Variants in RABGAP1L observed in about 807,000 individuals in gnomAD.
RABGAP1L encodes rab GTPase-activating protein 1-like.
In RABGAP1L, 63 loss-of-function variants were observed where a neutral mutation model predicts 137.7. That is an observed-to-expected ratio of 0.46 (90% CI 0.37 to 0.56). The LOEUF is 0.56. Among genes scored for constraint, RABGAP1L ranks in the 20% least tolerant of loss-of-function variants. The pLI is 0.00. For synonymous variants in RABGAP1L, 431 were observed against 433.7 expected, an observed-to-expected ratio of 0.99 and a Z score of 0.08; for missense variants, 1,095 against 1,244.0, an observed-to-expected ratio of 0.88 and a Z score of 1.80.
At chr1:174,305,519 G>A (rs1218481243) in intron 11 of RABGAP1L, among the ~76,000 whole-genome samples, 4 of 152,040 alleles carry the variant, frequency 2.6e-5, no homozygotes, top group African/African-American at 9.7e-5. Context: ...TGAGTAGCCA[G>A]ATACAGGTGT....
intron 11 of RABGAP1L, among the ~76,000 whole-genome samples, chr1:174,362,744 A>G (rs1353130713): frequency 1.3e-5 from 2 of 152,012 alleles, no homozygotes; most frequent in Non-Finnish European, 2.9e-5. Flanking sequence ...TACTCTGTTG[A>G]TAGTGTTTTG....
At chr1:174,222,032 G>A (rs1191321146) in intron 3 of RABGAP1L, among the ~76,000 whole-genome samples, 1 of 148,588 alleles carries the variant, frequency 6.7e-6, no homozygotes, top group African/African-American at 2.5e-5. Context: ...GTTTTGCCAT[G>A]TTGACCAGGC....
chr1:174,545,281 T>G (rs1460269266), intron 13 of RABGAP1L: 1 of 152,314 alleles, frequency 6.6e-6, no homozygotes, highest in Non-Finnish European at 1.5e-5. Context: ...CTGCTTTGTT[T>G]ACCTACTCAA....
At chr1:174,290,932 T>C (rs1676539536) in intron 10 of RABGAP1L, among the ~76,000 whole-genome samples, 1 of 152,066 alleles carries the variant, frequency 6.6e-6, no homozygotes, top group South Asian at 2.1e-4. Context: ...TGGCTAAGTT[T>C]TAATTTTTTG....
intron 22 of RABGAP1L, among the ~76,000 whole-genome samples, chr1:174,976,539 C>T (rs550337043): frequency 9.8e-4 from 150 of 152,298 alleles, no homozygotes; most frequent in African/African-American, 3.4e-3. Flanking sequence ...TAATTGACTT[C>T]TCTGAAGTAG....
intron 14 of RABGAP1L, among the ~76,000 whole-genome samples, chr1:174,639,899 G>A (rs535044506): frequency 1.1e-3 from 170 of 152,152 alleles, no homozygotes; most frequent in Non-Finnish European, 2.1e-3. Flanking sequence ...GGCCATTTTA[G>A]ATTATCAGTA....
At chr1:174,675,592 G>T (rs1425577146) in intron 14 of RABGAP1L, among the ~76,000 whole-genome samples, 1 of 151,852 alleles carries the variant, frequency 6.6e-6, no homozygotes, top group African/African-American at 2.4e-5. Flanking sequence ...GGTTCCATAT[G>T]AACTTTAAAG....
intron 17 of RABGAP1L, among the ~76,000 whole-genome samples, chr1:174,719,266 T>C (rs1025657480): frequency 2.6e-5 from 4 of 152,228 alleles, no homozygotes; most frequent in Admixed American, 2.6e-4. Flanking sequence ...AAAAGATATC[T>C]TTAATAATTA....
rs181658924 is a variant in RABGAP1L at position 174,596,911 on chromosome 1, T to A, written c.1711-40464T>A. On this transcript the variant is annotated intron_variant, in intron 13 of 25. Coordinates refer to ENST00000681986, the MANE Select transcript of RABGAP1L (RefSeq NM_001366446.1). The stretch of plus-strand genomic sequence containing the variant: ...TCTATCCAGTTTTTTTAGGTTTTTT[T>A]AAATTTAATCATGAAGAGATGGTGA... Among the ~76,000 whole-genome samples, 486 of 152,308 alleles carry A rather than the reference T, an allele frequency of 3.2e-3. 2 individuals are homozygous for A. The highest frequency in any genetic ancestry group is 5.2e-3 in the Non-Finnish European group (354 of 68,012).
Position 174,982,841 on chromosome 1 carries a change from C to T in RABGAP1L, c.2741C>T (p.Ser914Leu), listed in dbSNP as rs952772534. The change falls in exon 24 of 26, where the codon TCG becomes TTG. Residue 914 changes from serine (S) to leucine (L), a missense_variant. Transcript: ENST00000681986. ...CTCTTTTCTCATCCTTAGATCTGTT[C>T]GCAGTTGAGTACCAGGCTGGAGAAA... ...AIIAEYKQICSQLSTRLEKQQ... is the reference protein window; with the variant it reads ...AIIAEYKQICLQLSTRLEKQQ... The T allele has an allele frequency of 1.9e-5, 30 of 1,550,126 alleles. No individual in the cohort carries two copies. Among genetic ancestry groups the T allele is most frequent in the Admixed American group, 1.8e-4 (9 of 50,970 alleles).
intron 17 of RABGAP1L, among the ~76,000 whole-genome samples, chr1:174,703,579 ATTTCT>A (rs1317202740): frequency 6.6e-6 from 1 of 151,980 alleles, no homozygotes; most frequent in Non-Finnish European, 1.5e-5. Context: ...TTATACACTG[ATTTCT>A]TTTCCTTTGG....
chr1:174,978,890 G>A lies in RABGAP1L; in HGVS notation c.2733G>A (p.Gln911=), dbSNP rs1020611053. 15 of 1,513,264 alleles carry A rather than the reference G, an allele frequency of 9.9e-6. No individual in the cohort carries two copies. Among genetic ancestry groups the A allele is most frequent in the South Asian group, 1.3e-5 (1 of 77,024 alleles). The allele number at this position is 1,513,264 out of a possible 1,614,324, so 93.7% of individuals were successfully genotyped here. A position where few individuals can be genotyped will look rare whatever the true frequency, so the allele number is the denominator to read the frequency against. The change falls in exon 23 of 26, where the codon CAG becomes CAA. Residue 911 remains glutamine, a splice_region_variant and synonymous_variant. Coordinates refer to ENST00000681986, the MANE Select transcript of RABGAP1L (RefSeq NM_001366446.1). ...CAGCTATCATTGCTGAGTATAAACA[G>A]GTAATGTACTTCTGTGGCACATAGA... ...KTTAIIAEYK[Q]ICSQLSTRLE... is the part of the protein sequence containing the mutation.
intron 19 of RABGAP1L, among the ~76,000 whole-genome samples, chr1:174,944,095 A>G (rs990530030): frequency 3.3e-5 from 5 of 151,952 alleles, no homozygotes; most frequent in African/African-American, 1.2e-4. Flanking sequence ...ACATGGCGAA[A>G]CCCTGTCTCT....
intron 17 of RABGAP1L, among the ~76,000 whole-genome samples, chr1:174,741,855 C>CAAAAA (rs775821774): frequency 6.2e-4 from 26 of 41,820 alleles, no homozygotes; most frequent in African/African-American, 2.8e-3. Flanking sequence ...CCTATTTCTA[C>CAAAAA]AAAAAAAAAA....
intron 13 of RABGAP1L, among the ~76,000 whole-genome samples, chr1:174,611,733 G>A (rs555842207): frequency 6.6e-6 from 1 of 151,902 alleles, no homozygotes; most frequent in East Asian, 1.9e-4. Flanking sequence ...TTATTTCCTT[G>A]AGCAGTGGTT....
intron 1 of RABGAP1L, among the ~76,000 whole-genome samples, chr1:174,174,809 C>A (rs1246893093): frequency 6.6e-6 from 1 of 152,196 alleles, no homozygotes; most frequent in African/African-American, 2.4e-5. Context: ...TATCCCCCAG[C>A]AGATTGGATG....
intron 19 of RABGAP1L, chr1:174,874,466 T>G (rs1285971476): frequency 2.0e-6 from 2 of 984,998 alleles, no homozygotes; most frequent in Non-Finnish European, 2.4e-6. Flanking sequence ...TTACCGGGAG[T>G]GTGGCTGGTT....
At chr1:174,326,132 G>T (rs994374448) in intron 11 of RABGAP1L, among the ~76,000 whole-genome samples, 4 of 152,172 alleles carry the variant, frequency 2.6e-5, no homozygotes, top group Non-Finnish European at 5.9e-5. Context: ...TATCTAATTT[G>T]TTAATGAGTA....
chr1:174,942,211 C>T (rs1392001988), intron 19 of RABGAP1L, among the ~76,000 whole-genome samples: 2 of 152,152 alleles, frequency 1.3e-5, no homozygotes, highest in African/African-American at 4.8e-5. Context: ...GAAAGTAGTG[C>T]TGTCTATGTT....
Sources: allele counts gnomAD v4.1 joint callset (sites outside exome capture counted in the v4.1 genomes callset), GRCh38; gene constraint gnomAD v4.1.1; transcripts MANE v1.5; gene names NCBI Gene and HGNC (gene_info 2026-07-23, HGNC 2026-07-21).